The following THSD1 variants were observed in gnomAD, a reference collection of about 807,000 sequenced individuals.
THSD1 encodes the protein thrombospondin type 1 domain containing 1, also known as thrombospondin type-1 domain-containing protein 1.
A neutral mutation model predicts 46.3 loss-of-function variants in THSD1; 34 were observed. The observed-to-expected ratio is 0.74, with a 90% confidence interval of 0.56 to 0.98. THSD1 has a LOEUF of 0.98. Ranked by LOEUF, THSD1 falls within the 50% of genes least tolerant of loss-of-function variation. The probability of loss-of-function intolerance (pLI) is 0.00; values close to 1 mark genes in which losing one functional copy is unlikely to be tolerated. For missense variants in THSD1, 1,023 were observed against 1,058.3 expected (o/e 0.97, Z 0.46); for synonymous variants, 407 against 416.5 (o/e 0.98, Z 0.28).
intron 3 of THSD1, 44 bp downstream of exon 3, chr13:52,397,188 A>T: frequency 6.8e-7 from 1 of 1,465,732 alleles, no homozygotes; most frequent in East Asian, 2.3e-5. Context: ...TTTTGATTAC[A>T]TGAAGGATTT....
In THSD1 at chr13:52,378,092, G is replaced by A; in HGVS notation, c.1878C>T (p.Arg626=). 4 of 1,614,194 alleles carry A rather than the reference G, an allele frequency of 2.5e-6. No individual in the cohort carries two copies. Among genetic ancestry groups the A allele is most frequent in the Non-Finnish European group, 3.4e-6 (4 of 1,180,030 alleles). The change falls in exon 5 of 5, where the codon CGC becomes CGT. Residue 626 remains arginine (R), a synonymous_variant. Coordinates refer to ENST00000258613, the MANE Select transcript of THSD1 (RefSeq NM_018676.4). ...TGCCCACGTGCCTTGCCTGTGACTT[G>A]CGGATCAGAGTCTGGCTGGGGCTTA... ...CAISPSQTLI[R]KSQARHVGSR...
intron 2 of THSD1, chr13:52,400,164 T>TA (rs1957844379): frequency 6.3e-6 from 1 of 159,484 alleles, no homozygotes; most frequent in Non-Finnish European, 1.4e-5. Context: ...AGATTCTGAT[T>TA]GATGGGAGCC....
chr13:52,384,116 C>T (rs1156271085), intron 4 of THSD1: 8 of 327,058 alleles, frequency 2.4e-5, no homozygotes, highest in South Asian at 1.2e-4. Flanking sequence ...ACCCGGGAGG[C>T]GGAGTTGCCG....
chr13:52,377,543 A>C lies in THSD1; in HGVS notation c.2427T>G (p.Phe809Leu). 1 of 1,601,468 alleles carries C rather than the reference A, an allele frequency of 6.2e-7. No homozygotes were observed. Among genetic ancestry groups the C allele is most frequent in the Non-Finnish European group, 8.6e-7 (1 of 1,169,482 alleles). ...CAAACGACGTATTGTCATAGAAGGC[A>C]AACTCAGGGTGAGTGGGGAAGCTTT... is the stretch of plus-strand genomic sequence containing the variant. ...KCQSFPTHPE[F>L]AFYDNTSFGL... The change falls in exon 5 of 5, where the codon TTT becomes TTG. Residue 809 changes from phenylalanine (F) to leucine (L), a missense_variant. Around this residue, in one of 3 missense-constraint regions of THSD1, gnomAD observed 578 missense variants for 497.4 expected, o/e 1.16. Coordinates refer to ENST00000258613, the MANE Select transcript of THSD1 (RefSeq NM_018676.4).
intron 4 of THSD1, among the ~76,000 whole-genome samples, chr13:52,379,816 A>C (rs565474359): frequency 1.3e-5 from 2 of 152,162 alleles, no homozygotes; most frequent in South Asian, 4.1e-4. Flanking sequence ...ACGATAATGT[A>C]AACATGGTAC....
In THSD1 at chr13:52,402,157, C is replaced by G. The variant is rs544527878; in HGVS notation, c.58+386G>C. On this transcript the variant is annotated intron_variant, in intron 2 of 4. Coordinates refer to ENST00000258613, the MANE Select transcript of THSD1 (RefSeq NM_018676.4). Reference sequence around the variant, plus strand: ...ATTGGGTCCAAATGTATGTTAGCACCAAAACTCGGTCAAGTGAAATCTTAT... The same window carrying G: ...ATTGGGTCCAAATGTATGTTAGCACGAAAACTCGGTCAAGTGAAATCTTAT... Among the ~76,000 whole-genome samples, 601 of 152,254 alleles carry G rather than the reference C, an allele frequency of 3.9e-3. 1 individual carries two copies. Among genetic ancestry groups the G allele is most frequent in the Non-Finnish European group, 6.5e-3 (439 of 68,022 alleles).
chr13:52,398,876 T>C (rs1270909531), intron 2 of THSD1, among the ~76,000 whole-genome samples: 1 of 152,210 alleles, frequency 6.6e-6, no homozygotes, highest in Non-Finnish European at 1.5e-5. Flanking sequence ...TTGATTTAAA[T>C]GACACAATAC....
Position 52,403,938 on chromosome 13 carries a change from A to ATTTT in THSD1, c.-81-1261_-81-1258dup, listed in dbSNP as rs67802176. Among the ~76,000 whole-genome samples the ATTTT allele has an allele frequency of 1.8e-3, 116 of 63,920 alleles. 6 individuals carry two copies. The highest frequency in any genetic ancestry group is 8.1e-3 in the African/African-American group (103 of 12,790). 41.9% of individuals were successfully genotyped at this position (63,920 alleles called of 152,430 possible). On this transcript the variant is annotated intron_variant, in intron 1 of 4. Coordinates refer to ENST00000258613, the MANE Select transcript of THSD1 (RefSeq NM_018676.4). ...GTTTAAGGTCCCCCCCATTATTCAC[A>ATTTT]TTTTTTTTTTTTTTTTTTTTTTTTT...
intron 3 of THSD1, among the ~76,000 whole-genome samples, chr13:52,395,887 G>C (rs1029493254): frequency 5.3e-5 from 8 of 152,184 alleles, no homozygotes; most frequent in Non-Finnish European, 1.0e-4. Flanking sequence ...GTGGCATCAG[G>C]CCACCATGAT....
At chr13:52,398,524 G>A (rs1052636338) in intron 2 of THSD1, 2 of 981,730 alleles carry the variant, frequency 2.0e-6, no homozygotes, top group African/African-American at 3.5e-5. Context: ...TTATAGACAT[G>A]AGCCACTGCA....
At chr13:52,388,180 G>A (rs1298500408) in intron 3 of THSD1, among the ~76,000 whole-genome samples, 2 of 144,584 alleles carry the variant, frequency 1.4e-5, no homozygotes, top group Non-Finnish European at 3.0e-5. Context: ...TACCACCCCA[G>A]TAAAAAAAAA....
intron 2 of THSD1, among the ~76,000 whole-genome samples, chr13:52,401,464 A>C (rs1374233373): frequency 2.0e-5 from 3 of 150,528 alleles, no homozygotes; most frequent in Non-Finnish European, 4.4e-5. Flanking sequence ...ACATCCGGCT[A>C]ATTTTTTTGT....
chr13:52,394,531 T>C lies in THSD1; in HGVS notation c.1021+2701A>G, dbSNP rs113671869. ...CAGGAGGCTGAGGCAGGAGAATCAC[T>C]TGAACCTGGGAGGTGGAGTTTGCAG... On this transcript the variant is annotated intron_variant, in intron 3 of 4. Coordinates refer to ENST00000258613, the MANE Select transcript of THSD1 (RefSeq NM_018676.4). Among the ~76,000 whole-genome samples, 777 of 151,940 alleles carry C rather than the reference T, an allele frequency of 5.1e-3. 6 individuals are homozygous for C. The highest frequency in any genetic ancestry group is 0.017 in the African/African-American group (706 of 41,408).
At chr13:52,390,365 A>G (rs1187607696) in intron 3 of THSD1, among the ~76,000 whole-genome samples, 2 of 152,086 alleles carry the variant, frequency 1.3e-5, no homozygotes. Flanking sequence ...AAGTGGTGCA[A>G]TCTTTGGAGT....
At chr13:52,405,741 T>A (rs1193249834) in intron 1 of THSD1, among the ~76,000 whole-genome samples, 1 of 152,206 alleles carries the variant, frequency 6.6e-6, no homozygotes, top group Non-Finnish European at 1.5e-5. Context: ...AAACAGTAGC[T>A]CAAGACGCGA....
Position 52,377,329 on chromosome 13 carries a change from C to T in THSD1, c.*82G>A. On this transcript the variant is annotated 3_prime_UTR_variant, in exon 5 of 5. Coordinates refer to ENST00000258613, the MANE Select transcript of THSD1 (RefSeq NM_018676.4). The stretch of plus-strand genomic sequence containing the variant: ...TGTTACTTCCTCCTCACATTCTGTC[C>T]TACGGTACAAATAGTTACACAAAAG... 6.9e-7 allele frequency: 1 copy of T among 1,439,218 alleles called. No homozygotes were observed. Among genetic ancestry groups the T allele is most frequent in the Non-Finnish European group, 9.2e-7 (1 of 1,090,118 alleles). 89.2% of individuals were successfully genotyped at this position (1,439,218 alleles called of 1,614,324 possible).
At chr13:52,390,310 T>A (rs1203177264) in intron 3 of THSD1, among the ~76,000 whole-genome samples, 10 of 152,186 alleles carry the variant, frequency 6.6e-5, no homozygotes, top group Non-Finnish European at 1.5e-5. Flanking sequence ...TACAAAGCAC[T>A]ACAAAACATA....
chr13:52,405,352 G>A (rs769135456), intron 1 of THSD1, among the ~76,000 whole-genome samples: 1 of 152,162 alleles, frequency 6.6e-6, no homozygotes, highest in Non-Finnish European at 1.5e-5. Flanking sequence ...CCAATGATTC[G>A]TGAAAGAATA....
At chr13:52,384,216 G>T in intron 4 of THSD1, 1 of 299,150 alleles carries the variant, frequency 3.3e-6, no homozygotes, top group Admixed American at 4.2e-5. Flanking sequence ...AGAAGAAGAT[G>T]CCAGAATATG....
Sources: allele counts gnomAD v4.1 joint callset (sites outside exome capture counted in the v4.1 genomes callset), GRCh38; gene constraint gnomAD v4.1.1; regional missense constraint gnomAD v4.1.1; transcripts MANE v1.5; gene names NCBI Gene and HGNC (gene_info 2026-07-23, HGNC 2026-07-21).